Variants in RYR1 observed in about 807,000 individuals in gnomAD.
RYR1 encodes central core disease of muscle.
In RYR1, 342 loss-of-function variants were observed where a neutral mutation model predicts 583.5. The ratio of observed to expected loss-of-function variants is 0.59; its 90% CI spans 0.54 to 0.64. RYR1 has a LOEUF of 0.64. Ranked by LOEUF, RYR1 falls within the 30% of genes least tolerant of loss-of-function variation. The pLI is 0.00. For synonymous variants in RYR1, 2,791 were observed against 2,822.5 expected (o/e 0.99, Z 0.35); for missense variants, 6,032 against 6,917.2 (o/e 0.87, Z 4.54).
chr19:38,490,685 T>C lies in RYR1; in HGVS notation c.6080T>C (p.Ile2027Thr), dbSNP rs1440792851. The change falls in exon 37 of 106, where the codon ATT (isoleucine) becomes ACT (threonine). Residue 2027 changes from isoleucine to threonine, a missense_variant. By Grantham distance (89) the Ile-to-Thr change is moderately conservative. Coordinates refer to ENST00000359596, the MANE Select transcript of RYR1 (RefSeq NM_000540.3). Reference sequence around the variant, plus strand: ...GAAGACTGTCCTCTCCCTGAAGAGATTCGACAGGATTTGCTTGACTTTCAT... The same window carrying C: ...GAAGACTGTCCTCTCCCTGAAGAGACTCGACAGGATTTGCTTGACTTTCAT... ...DEEDCPLPEE[I>T]RQDLLDFHQD... 2 of 1,614,008 alleles carry C rather than the reference T, an allele frequency of 1.2e-6. No individual in the cohort carries two copies. Among genetic ancestry groups the C allele is most frequent in the Non-Finnish European group, 1.7e-6 (2 of 1,179,858 alleles).
intron 27 of RYR1, 52 bp from the exon 28 acceptor site, chr19:38,473,325 G>T: frequency 1.2e-6 from 2 of 1,609,880 alleles, no homozygotes; most frequent in Non-Finnish European, 1.7e-6. Context: ...AGGACCAACG[G>T]CCTGGCCTAG....
intron 89 of RYR1, among the ~76,000 whole-genome samples, chr19:38,548,983 C>A (rs1195281976): frequency 6.6e-6 from 1 of 152,154 alleles, no homozygotes; most frequent in Non-Finnish European, 1.5e-5. Context: ...TGTGAATAGG[C>A]ATCAGTTATT....
At chr19:38,560,634 C>G (rs990143524) in intron 89 of RYR1, among the ~76,000 whole-genome samples, 1 of 140,966 alleles carries the variant, frequency 7.1e-6, no homozygotes, top group African/African-American at 2.7e-5. Flanking sequence ...GAGGCTGAGG[C>G]AGGAGAATCA....
At chr19:38,448,164 G>A (rs1966886933) in intron 9 of RYR1, among the ~76,000 whole-genome samples, 191 bp from the exon 10 acceptor site, 1 of 152,068 alleles carries the variant, frequency 6.6e-6, no homozygotes, top group Non-Finnish European at 1.5e-5. Flanking sequence ...GGGTGCAGTG[G>A]CTCATGCCTG....
At chr19:38,509,776 G>A (rs1970646608) in intron 58 of RYR1, among the ~76,000 whole-genome samples, 1 of 150,920 alleles carries the variant, frequency 6.6e-6, no homozygotes, top group African/African-American at 2.4e-5. Context: ...TATTTTAATA[G>A]TATCAGTTAT....
At chr19:38,567,427 T>C (rs1035053339) in intron 92 of RYR1, among the ~76,000 whole-genome samples, 2 of 152,180 alleles carry the variant, frequency 1.3e-5, no homozygotes, top group African/African-American at 4.8e-5. Context: ...CAGGCCCCCA[T>C]GCCTACTCTG....
At chr19:38,529,121 A>G in intron 76 of RYR1, 64 bp downstream of exon 76, 1 of 1,542,234 alleles carries the variant, frequency 6.5e-7, no homozygotes, top group Non-Finnish European at 8.9e-7. Flanking sequence ...CCAGCCCAGC[A>G]GCTTCCCTGT....
chr19:38,466,953 C>T (rs1485874762), intron 24 of RYR1, among the ~76,000 whole-genome samples: 1 of 152,162 alleles, frequency 6.6e-6, no homozygotes, highest in African/African-American at 2.4e-5. Context: ...TGGGCTATGA[C>T]TGCAAACCAG....
intron 70 of RYR1, among the ~76,000 whole-genome samples, chr19:38,524,609 G>A (rs1041697547): frequency 5.3e-5 from 8 of 152,230 alleles, no homozygotes; most frequent in African/African-American, 9.6e-5. Context: ...CCCTGGCCCC[G>A]GGTCTGCACC....
chr19:38,473,419 C>T lies in RYR1; in HGVS notation c.3808C>T (p.Arg1270Cys), dbSNP rs774705775. 3.1e-6 allele frequency: 5 copies of T among 1,613,886 alleles called. No individual in the cohort carries two copies. Among genetic ancestry groups the T allele is most frequent in the South Asian group, 1.1e-5 (1 of 91,080 alleles). The change falls in exon 28 of 106, where the codon CGC (arginine) becomes TGC (cysteine). Residue 1270 changes from arginine to cysteine, a missense_variant. Arg to Cys is a radical substitution (Grantham distance 180). Around this residue, in one of 11 missense-constraint regions of RYR1, gnomAD observed 2,627 missense variants for 2,961.3 expected, o/e 0.89. Transcript: ENST00000359596. ...DGTVDTPPCLRLTHRTWGSQN... is the reference protein window; with the variant it reads ...DGTVDTPPCLCLTHRTWGSQN... Reference sequence around the variant, plus strand: ...CACTGTGGACACGCCCCCCTGCCTGCGCCTGACCCACCGCACCTGGGGCTC... The same window carrying T: ...CACTGTGGACACGCCCCCCTGCCTGTGCCTGACCCACCGCACCTGGGGCTC...
intron 12 of RYR1, 56 bp from the exon 13 acceptor site, chr19:38,452,763 G>C (rs538967292): frequency 1.3e-6 from 2 of 1,494,538 alleles, no homozygotes; most frequent in Non-Finnish European, 1.8e-6. Flanking sequence ...TTGCGGCAGT[G>C]ACGTTGCGGC....
chr19:38,463,593 C>T, intron 21 of RYR1, 66 bp downstream of exon 21: 1 of 1,544,386 alleles, frequency 6.5e-7, no homozygotes, highest in Non-Finnish European at 8.9e-7. Context: ...GAGAGCGGCT[C>T]ACCGGCGGAG....
intron 27 of RYR1, among the ~76,000 whole-genome samples, chr19:38,472,835 TAAAAAAA>T (rs34985897): frequency 9.3e-6 from 1 of 107,346 alleles, no homozygotes; most frequent in South Asian, 3.2e-4. Context: ...GACTCTTGTC[TAAAAAAA>T]AAAAAAAAAA....
chr19:38,490,880 G>T, intron 37 of RYR1, 148 bp downstream of exon 37: 1 of 703,232 alleles, frequency 1.4e-6, no homozygotes, highest in South Asian at 1.5e-5. Context: ...GTGAATGAAT[G>T]TGTTAGTGAA....
At chr19:38,456,274 A>ATTTTTT (rs769713059) in intron 16 of RYR1, among the ~76,000 whole-genome samples, 7 of 106,672 alleles carry the variant, frequency 6.6e-5, no homozygotes, top group African/African-American at 7.5e-5. Flanking sequence ...AGCGCCTGGC[A>ATTTTTT]TTTTTTTTTT....
rs868308221 is a variant in RYR1 at position 38,444,485 on chromosome 19, C to T, written c.538-99C>T. 9.2e-5 allele frequency: 97 copies of T among 1,058,186 alleles called. 1 individual carries two copies. Among genetic ancestry groups the T allele is most frequent in the Admixed American group, 4.7e-4 (24 of 50,588 alleles). The allele number at this position is 1,058,186 out of a possible 1,614,324, so 65.5% of individuals were successfully genotyped here. The stretch of plus-strand genomic sequence containing the variant: ...TCTGATGACTCTGTCTCCCATCTGC[C>T]GGTTTCCGGGTATCCACCCTTGATT... On this transcript the variant is annotated intron_variant, in intron 6 of 105. Coordinates refer to ENST00000359596, the MANE Select transcript of RYR1 (RefSeq NM_000540.3). The surrounding 1 kb of genome is among the most constrained non-coding windows in gnomAD (Gnocchi z 5.1).
chr19:38,516,321 A>T (rs558434341), intron 65 of RYR1, 104 bp downstream of exon 65: 53 of 1,391,918 alleles, frequency 3.8e-5, no homozygotes, highest in Non-Finnish European at 5.2e-5. Context: ...CTGGGCTGTG[A>T]GCGGCTGAGG....
In RYR1 at chr19:38,467,690, T is replaced by C. The variant is rs1968182101; in HGVS notation, c.3259T>C (p.Trp1087Arg). 6.2e-7 allele frequency: 1 copy of C among 1,614,200 alleles called. No homozygotes were observed. The highest frequency in any genetic ancestry group is 8.5e-7 in the Non-Finnish European group (1 of 1,180,030). ...EKSYTVQSGRWYFEFEAVTTG... is the reference protein window; with the variant it reads ...EKSYTVQSGRRYFEFEAVTTG... ...ATCCTATACAGTGCAGAGCGGCCGC[T>C]GGTACTTCGAGTTTGAAGCAGTCAC... The change falls in exon 25 of 106, where the codon TGG (tryptophan) becomes CGG (arginine). Residue 1087 changes from tryptophan to arginine, a missense_variant. Around this residue, in one of 11 missense-constraint regions of RYR1, gnomAD observed 2,627 missense variants for 2,961.3 expected, o/e 0.89. Coordinates refer to ENST00000359596, the MANE Select transcript of RYR1 (RefSeq NM_000540.3).
rs1969869621 is a variant in RYR1, at chr19:38,497,095, T to A, written c.6891+141T>A. The A allele has an allele frequency of 4.2e-6, 3 of 721,696 alleles. No homozygotes were observed. The South Asian group carries it at 4.5e-5, about 11-fold the overall frequency. 44.7% of individuals were successfully genotyped at this position (721,696 alleles called of 1,614,324 possible). On this transcript the variant is annotated intron_variant, in intron 42 of 105. Coordinates refer to ENST00000359596, the MANE Select transcript of RYR1 (RefSeq NM_000540.3). ...GTGCCCAACCAGAAGGAGACTAATT[T>A]GCAGGGAGAGAACGGCACCCAGTTG...
Sources: gnomAD v4.1 joint callset for allele counts (sites outside exome capture counted in the v4.1 genomes callset) on GRCh38, gnomAD v4.1.1 for gene constraint, gnomAD v4.1.1 regional missense constraint, Gnocchi (gnomAD v3.1) non-coding constraint, MANE v1.5 for transcripts, NCBI Gene and HGNC (gene_info 2026-07-23, HGNC 2026-07-21) for gene names.